Variants in PGGHG observed in about 807,000 individuals in gnomAD.
The protein encoded by PGGHG is ATH1, acid trehalase-like 1.
In PGGHG, 67 loss-of-function variants were observed where a neutral mutation model predicts 74.5. That is an observed-to-expected ratio of 0.90 (90% CI 0.74 to 1.10). The LOEUF is 1.10. Among genes scored for constraint, PGGHG ranks in the 50% least tolerant of loss-of-function variants. The pLI is 0.00. For synonymous variants in PGGHG, 496 were observed against 419.9 expected (o/e 1.18, Z -2.21); for missense variants, 1,034 against 981.5 (o/e 1.05, Z -0.72).
intron 2 of PGGHG, 59 bp from the exon 3 acceptor site, chr11:290,331 T>C: frequency 1.3e-6 from 2 of 1,499,548 alleles, no homozygotes; most frequent in Non-Finnish European, 1.8e-6. Flanking sequence ...GGTGGTCCAC[T>C]CCTGCCCCAG....
Position 291,109 on chromosome 11 carries a change from A to G in PGGHG, c.902A>G (p.Asp301Gly), listed in dbSNP as rs1442029799. Residue 301 changes from aspartate to glycine, a missense_variant, in exon 4 of 14, where the codon GAC becomes GGC. Physicochemically the swap from Asp to Gly is moderately conservative, Grantham distance 94. Transcript: ENST00000409548. ...EECYWGHVFW[D>G]QDLWMFPSIL... The stretch of plus-strand genomic sequence containing the variant: ...TGCTACTGGGGCCACGTCTTCTGGG[A>G]CCAGGTGAGCACTGTACACCCAGCA... The G allele has an allele frequency of 1.3e-6, 2 of 1,578,434 alleles. No homozygotes were observed. The highest frequency in any genetic ancestry group is 1.3e-5 in the African/African-American group (1 of 74,252).
In PGGHG at chr11:290,418, C is replaced by T. The variant is rs949669696; in HGVS notation, c.288C>T (p.Pro96=). The T allele has an allele frequency of 7.6e-5, 117 of 1,547,448 alleles. No individual in the cohort carries two copies. The highest frequency in any genetic ancestry group is 9.4e-5 in the Non-Finnish European group (108 of 1,146,900). ...CCTTTCTTCACACCCTGGAGGGCCC[C>T]CGCTTCCGGGCCTCCCAGTGCATCT... The part of the protein sequence containing the change: ...TGSFLHTLEG[P]RFRASQCIYA... The change falls in exon 3 of 14, where the codon CCC becomes CCT. Residue 96 remains proline, a synonymous_variant. Coordinates refer to ENST00000409548, the MANE Select transcript of PGGHG (RefSeq NM_025092.5).
rs1845768828 is a variant in PGGHG at position 292,915 on chromosome 11, C to T, written c.1188C>T (p.Gly396=). 1.9e-6 allele frequency: 3 copies of T among 1,614,124 alleles called. No homozygotes were observed. Among genetic ancestry groups the T allele is most frequent in the East Asian group, 4.5e-5 (2 of 44,884 alleles). Residue 396 remains glycine (G), a synonymous_variant, in exon 7 of 14, where the codon GGC becomes GGT. Coordinates refer to ENST00000409548, the MANE Select transcript of PGGHG (RefSeq NM_025092.5). The stretch of plus-strand genomic sequence containing the variant: ...TGCAGCTATTTCGAGAGGCTGGTGG[C>T]TGGGACGTGGTCAGGGCTGTGGCCG... The part of the protein sequence containing the change: ...QDLQLFREAG[G]WDVVRAVAEF...
rs981725593 is a variant in PGGHG at position 294,269 on chromosome 11, T to C, written c.1811T>C (p.Val604Ala). The C allele has an allele frequency of 1.1e-5, 17 of 1,601,868 alleles. No individual in the cohort carries two copies. The highest frequency in any genetic ancestry group is 1.7e-5 in the Admixed American group (1 of 59,310). The change falls in exon 13 of 14, where the codon GTC (valine) becomes GCC (alanine). Residue 604 changes from valine to alanine, a missense_variant and splice_region_variant. Coordinates refer to ENST00000409548, the MANE Select transcript of PGGHG (RefSeq NM_025092.5). ...CTCACAAGCCTCTCCTCCCACAGGG[T>C]CACCCGAGCGGGTGTGACCTTTGAC... is the stretch of plus-strand genomic sequence containing the variant. ...AVVFGCTGFRVTRAGVTFDPV... is the reference protein window; with the variant it reads ...AVVFGCTGFRATRAGVTFDPV...
intron 5 of PGGHG, 91 bp from the exon 6 acceptor site, chr11:292,455 C>A: frequency 6.6e-7 from 1 of 1,506,942 alleles, no homozygotes; most frequent in Non-Finnish European, 9.1e-7. Context: ...GCAGGCCGAG[C>A]CCCCCCTCCT....
chr11:294,063 T>C, intron 11 of PGGHG, 36 bp from the exon 12 acceptor site: 1 of 1,585,246 alleles, frequency 6.3e-7, no homozygotes, highest in Non-Finnish European at 8.6e-7. Flanking sequence ...GACGGTGACC[T>C]GGGGGTCCTG....
At position 290,756 on chromosome 11, in the gene PGGHG, AC is replaced by A; in HGVS notation, c.554del (p.Pro185GlnfsTer3). Reference sequence around the variant, plus strand: ...AGGTACACATGCTGTGGACACCAGCACCCCCAGACCTGACCCTTGGGGAAGG... The same window carrying A: ...AGGTACACATGCTGTGGACACCAGCACCCCAGACCTGACCCTTGGGGAAGG... ...QEVHMLWTPA[P>X]PDLTLGEGEE... On this transcript the variant is annotated frameshift_variant, in exon 4 of 14. Transcript: ENST00000409548. LOFTEE classifies it high-confidence loss of function. The A allele has an allele frequency of 6.2e-7, 1 of 1,611,432 alleles. No homozygotes were observed. The highest frequency in any genetic ancestry group is 1.1e-5 in the South Asian group (1 of 90,900).
intron 5 of PGGHG, 98 bp from the exon 6 acceptor site, chr11:292,448 G>A: frequency 2.0e-6 from 3 of 1,488,732 alleles, no homozygotes; most frequent in Non-Finnish European, 2.8e-6. Context: ...ACCTGGCGCA[G>A]GCCGAGCCCC....
Position 294,260 on chromosome 11 carries a change from C to T in PGGHG, c.1809-7C>T, listed in dbSNP as rs747297435. The T allele has an allele frequency of 1.3e-6, 2 of 1,599,660 alleles. No individual in the cohort carries two copies. Among genetic ancestry groups the T allele is most frequent in the African/African-American group, 2.7e-5 (2 of 74,710 alleles). On this transcript the variant is annotated splice_polypyrimidine_tract_variant and splice_region_variant and intron_variant, in intron 12 of 13. Coordinates refer to ENST00000409548, the MANE Select transcript of PGGHG (RefSeq NM_025092.5). ...ACCTGCCACCTCACAAGCCTCTCCT[C>T]CCACAGGGTCACCCGAGCGGGTGTG...
Position 295,613 on chromosome 11 carries a change from G to A in PGGHG, c.*864G>A, listed in dbSNP as rs530882322. 1 of 152,432 alleles carries A rather than the reference G, an allele frequency of 6.6e-6. No individual in the cohort carries two copies. The highest frequency in any genetic ancestry group is 2.4e-5 in the African/African-American group (1 of 41,586). 9.4% of individuals were successfully genotyped at this position (152,432 alleles called of 1,614,324 possible). On this transcript the variant is annotated 3_prime_UTR_variant, in exon 14 of 14. Coordinates refer to ENST00000409548, the MANE Select transcript of PGGHG (RefSeq NM_025092.5). ...TGGCATCTGCTGCTGAAACCCTGAT[G>A]AGGACCAGGCCCCCTGCACCGCTGT...
chr11:289,798 G>A lies in PGGHG; in HGVS notation c.-13-6G>A. On this transcript the variant is annotated splice_region_variant and splice_polypyrimidine_tract_variant and intron_variant, in intron 1 of 13. Transcript: ENST00000409548. The surrounding 1 kb of genome is among the most constrained non-coding windows in gnomAD (Gnocchi z 5.6). ...GCGGCCCCTGACACCCCATCAGGCC[G>A]CTCAGGCCCAGCAGCTCCATGGAGG... 1.3e-6 allele frequency: 2 copies of A among 1,544,216 alleles called. No homozygotes were observed. The highest frequency in any genetic ancestry group is 2.4e-5 in the South Asian group (2 of 83,396).
Position 289,724 on chromosome 11 carries a change from G to A in PGGHG, c.-13-80G>A. On this transcript the variant is annotated intron_variant, in intron 1 of 13. Coordinates refer to ENST00000409548, the MANE Select transcript of PGGHG (RefSeq NM_025092.5). This position sits in a 1 kb window ranked among gnomAD's most constrained non-coding sequence, Gnocchi z 5.6. The stretch of plus-strand genomic sequence containing the variant: ...CGCAACTCCCCCCAGTTCTGAGGGA[G>A]GCTTCAGGGGATTACAGACGGTCTC... The A allele has an allele frequency of 6.9e-7, 1 of 1,442,894 alleles. No individual in the cohort carries two copies. The highest frequency in any genetic ancestry group is 9.2e-7 in the Non-Finnish European group (1 of 1,090,696). 89.4% of individuals were successfully genotyped at this position (1,442,894 alleles called of 1,614,324 possible).
intron 7 of PGGHG, 50 bp downstream of exon 7, chr11:293,047 G>A: frequency 6.2e-7 from 1 of 1,613,878 alleles, no homozygotes. Flanking sequence ...GATGCTCCCA[G>A]ACTCAGCAGA....
At position 290,047 on chromosome 11, in the gene PGGHG, C is replaced by G. The variant is rs888021345; in HGVS notation, c.231C>G (p.Thr77=). The change falls in exon 2 of 14, where the codon ACC becomes ACG. Residue 77 remains threonine (T), a synonymous_variant. Transcript: ENST00000409548. ...EAPAGMGEQL[T]ETFALDTNTG... ...CTGCAGGGATGGGGGAGCAGCTGACCGAGACCTTCGCCCTGGACACCAACA... is the reference window on the plus strand; with the variant it reads ...CTGCAGGGATGGGGGAGCAGCTGACGGAGACCTTCGCCCTGGACACCAACA... 3 of 1,540,188 alleles carry G rather than the reference C, an allele frequency of 1.9e-6. No homozygotes were observed. Among genetic ancestry groups the G allele is most frequent in the African/African-American group, 1.4e-5 (1 of 73,000 alleles).
At chr11:292,431 C>T (rs1027345650) in intron 5 of PGGHG, 115 bp from the exon 6 acceptor site, 1 of 1,374,464 alleles carries the variant, frequency 7.3e-7, no homozygotes, top group Non-Finnish European at 1.0e-6. Context: ...GTAGCACCCG[C>T]CAGGGTACCT....
In PGGHG at chr11:294,569, C is replaced by G. The variant is rs1845824784; in HGVS notation, c.2034C>G (p.Ser678=). The G allele has an allele frequency of 1.9e-6, 3 of 1,609,950 alleles. No individual in the cohort carries two copies. Among genetic ancestry groups the G allele is most frequent in the Non-Finnish European group, 2.5e-6 (3 of 1,177,832 alleles). ...CTCTCCCTGCAGGACACAAGGTCTC[C>G]TTTCCCCGCTCGGCTGGCCGGATAC... is the stretch of plus-strand genomic sequence containing the variant. ...RLSLLPGHKV[S]FPRSAGRIQM... The change falls in exon 14 of 14, where the codon TCC becomes TCG. Residue 678 remains serine, a synonymous_variant. Transcript: ENST00000409548.
chr11:289,807 C>T lies in PGGHG; in HGVS notation c.-10C>T, dbSNP rs1845660819. On this transcript the variant is annotated 5_prime_UTR_variant, in exon 2 of 14. Coordinates refer to ENST00000409548, the MANE Select transcript of PGGHG (RefSeq NM_025092.5). The surrounding 1 kb of genome is among the most constrained non-coding windows in gnomAD (Gnocchi z 5.6). ...GACACCCCATCAGGCCGCTCAGGCC[C>T]AGCAGCTCCATGGAGGACGCCGGCG... 4.5e-6 allele frequency: 7 copies of T among 1,547,840 alleles called. No individual in the cohort carries two copies. The highest frequency in any genetic ancestry group is 6.1e-6 in the Non-Finnish European group (7 of 1,145,398).
chr11:291,056 G>C lies in PGGHG; in HGVS notation c.849G>C (p.Gly283=). 6.2e-7 allele frequency: 1 copy of C among 1,609,946 alleles called. No homozygotes were observed. The highest frequency in any genetic ancestry group is 8.5e-7 in the Non-Finnish European group (1 of 1,178,046). Residue 283 remains glycine (G), a synonymous_variant, in exon 4 of 14, where the codon GGG becomes GGC. Coordinates refer to ENST00000409548, the MANE Select transcript of PGGHG (RefSeq NM_025092.5). ...PGYICHGLSP[G]GLSNGSREEC... ...ACATCTGCCATGGCCTCAGTCCTGGGGGCCTCTCCAATGGGAGCCGTGAGG... is the reference window on the plus strand; with the variant it reads ...ACATCTGCCATGGCCTCAGTCCTGGCGGCCTCTCCAATGGGAGCCGTGAGG...
At position 294,623 on chromosome 11, in the gene PGGHG, T is replaced by C. The variant is rs755651560; in HGVS notation, c.2088T>C (p.Ser696=). Residue 696 remains serine (S), a synonymous_variant, in exon 14 of 14, where the codon AGT becomes AGC. Coordinates refer to ENST00000409548, the MANE Select transcript of PGGHG (RefSeq NM_025092.5). ...TGTCACCCCCGAAGCTGCCTGGAAG[T>C]TCCAGCTCCGAGTTCCCTGGGAGGA... The part of the protein sequence containing the change: ...IQMSPPKLPG[S]SSSEFPGRTF... 1.6e-5 allele frequency: 23 copies of C among 1,477,614 alleles called. No individual in the cohort carries two copies. In the African/African-American group the frequency reaches 2.3e-4, roughly 15 times the overall value. The allele number at this position is 1,477,614 out of a possible 1,614,324, so 91.5% of individuals were successfully genotyped here.
Sources: gnomAD v4.1 joint callset for allele counts on GRCh38, gnomAD v4.1.1 for gene constraint, Gnocchi (gnomAD v3.1) non-coding constraint, MANE v1.5 for transcripts, NCBI Gene and HGNC (gene_info 2026-07-23, HGNC 2026-07-21) for gene names.